The following SCARA5 variants were observed in gnomAD, a reference collection of about 807,000 sequenced individuals.
SCARA5 encodes the protein scavenger receptor class A, member 5 (putative).
Under a neutral mutation model 46.3 loss-of-function variants are expected in SCARA5, and 45 were observed. The observed-to-expected ratio is 0.97, with a 90% confidence interval of 0.76 to 1.24. The LOEUF (loss-of-function observed/expected upper bound fraction) is 1.24, where lower values mean the gene tolerates loss of function less well. Ranked by LOEUF, SCARA5 falls within the 50% of genes most tolerant of loss-of-function variation. The pLI is 0.00. For missense variants in SCARA5, 680 were observed against 689.0 expected (o/e 0.99, Z 0.15); for synonymous variants, 333 against 306.5 (o/e 1.09, Z -0.90).
At chr8:27,888,903 T>C (rs545462351) in intron 7 of SCARA5, among the ~76,000 whole-genome samples, 103 of 152,328 alleles carry the variant, frequency 6.8e-4, no homozygotes, top group African/African-American at 2.4e-3. Context: ...GGTAGCCTCC[T>C]TGCTGTCTCC....
chr8:27,931,844 G>A (rs1015559846), intron 3 of SCARA5, among the ~76,000 whole-genome samples: 9 of 152,092 alleles, frequency 5.9e-5, no homozygotes, highest in Admixed American at 1.3e-4. Flanking sequence ...CAGTAGAGAC[G>A]CGTTCCACCA....
intron 3 of SCARA5, among the ~76,000 whole-genome samples, chr8:27,935,135 A>T (rs1404732128): frequency 6.6e-6 from 1 of 152,222 alleles, no homozygotes; most frequent in Non-Finnish European, 1.5e-5. Flanking sequence ...AAGGCTGCTG[A>T]TATCCAAGTT....
At chr8:27,984,692 C>T (rs1319009094) in intron 2 of SCARA5, among the ~76,000 whole-genome samples, 2 of 152,066 alleles carry the variant, frequency 1.3e-5, no homozygotes, top group African/African-American at 4.8e-5. Context: ...ATGCATCCAT[C>T]CATCCATTCA....
At chr8:27,943,662 G>A (rs942204158) in intron 3 of SCARA5, among the ~76,000 whole-genome samples, 6 of 152,184 alleles carry the variant, frequency 3.9e-5, no homozygotes, top group African/African-American at 9.7e-5. Context: ...AAAGACGCAC[G>A]TAATCAGAGC....
intron 7 of SCARA5, among the ~76,000 whole-genome samples, chr8:27,896,581 G>A (rs1181650032): frequency 6.6e-6 from 1 of 152,104 alleles, no homozygotes; most frequent in Admixed American, 6.5e-5. Context: ...AGTGACCGGG[G>A]TGGTTGCCTC....
At chr8:27,958,369 C>G (rs1585513465) in intron 3 of SCARA5, among the ~76,000 whole-genome samples, 11 of 152,174 alleles carry the variant, frequency 7.2e-5, no homozygotes, top group Admixed American at 7.2e-4. Context: ...GCTAGGGCAG[C>G]CCGACAGAGC....
chr8:27,883,472 G>A (rs1220763723), intron 7 of SCARA5, among the ~76,000 whole-genome samples: 2 of 152,170 alleles, frequency 1.3e-5, no homozygotes, highest in Admixed American at 1.3e-4. Flanking sequence ...ATACTGGAGT[G>A]GTCAGTGGGT....
intron 2 of SCARA5, among the ~76,000 whole-genome samples, chr8:27,981,079 G>A (rs1445849095): frequency 1.3e-5 from 2 of 152,084 alleles, no homozygotes; most frequent in Admixed American, 6.5e-5. Flanking sequence ...AATGTGGATC[G>A]AGGGGCTACT....
Position 27,907,217 on chromosome 8 carries a change from A to T in SCARA5, c.1027T>A (p.Leu343Met). Residue 343 changes from leucine (L) to methionine (M), a missense_variant, in exon 6 of 9, where the codon TTG becomes ATG. By Grantham distance (15) the Leu-to-Met change is conservative (BLOSUM62 2). This residue lies in a region of SCARA5 where 219 missense variants were observed against 269.5 expected (regional missense o/e 0.81). Coordinates refer to ENST00000354914, the MANE Select transcript of SCARA5 (RefSeq NM_173833.6). The part of the protein sequence containing the change: ...GLPGERGTPG[L>M]PGPKGDDGKL... ...CCATCATCGCCCTTGGGCCCGGGCA[A>T]TCCTGGGGTACCTCTCTCCCCGGGC... is the stretch of plus-strand genomic sequence containing the variant. 1 of 1,613,602 alleles carries T rather than the reference A, an allele frequency of 6.2e-7. No individual in the cohort carries two copies. The highest frequency in any genetic ancestry group is 8.5e-7 in the Non-Finnish European group (1 of 1,179,778).
intron 4 of SCARA5, among the ~76,000 whole-genome samples, chr8:27,912,400 ATTC>A (rs1233576934): frequency 6.6e-6 from 1 of 152,242 alleles, no homozygotes. Context: ...GTAGTCAACA[ATTC>A]TTCAATTCAC....
chr8:27,983,561 C>T (rs1808656081), intron 2 of SCARA5, among the ~76,000 whole-genome samples: 1 of 152,234 alleles, frequency 6.6e-6, no homozygotes, highest in Non-Finnish European at 1.5e-5. Context: ...AGCTCCACCA[C>T]TGATGACTTG....
chr8:27,950,543 A>G (rs1323578519), intron 3 of SCARA5, among the ~76,000 whole-genome samples: 2 of 152,202 alleles, frequency 1.3e-5, no homozygotes, highest in African/African-American at 4.8e-5. Context: ...CCTGGAAGAA[A>G]GCTGAGGCTT....
intron 7 of SCARA5, among the ~76,000 whole-genome samples, chr8:27,894,817 G>C (rs1807036463): frequency 6.6e-6 from 1 of 152,220 alleles, no homozygotes; most frequent in African/African-American, 2.4e-5. Context: ...GCATCCTTGT[G>C]GTTCCAAATC....
intron 4 of SCARA5, among the ~76,000 whole-genome samples, chr8:27,914,948 C>T (rs2685337): frequency 0.52 from 78,899 of 151,964 alleles, 20,989 homozygotes; most frequent in Non-Finnish European, 0.58. Flanking sequence ...GAACACATGA[C>T]GGGGTAGGGG....
intron 7 of SCARA5, among the ~76,000 whole-genome samples, chr8:27,883,573 T>A (rs1806844762): frequency 6.6e-6 from 1 of 152,224 alleles, no homozygotes; most frequent in African/African-American, 2.4e-5. Flanking sequence ...GATCTCTATT[T>A]TTCCAAGTGT....
Position 27,921,989 on chromosome 8 carries a change from C to A in SCARA5, c.498G>T (p.Ala166=). The stretch of plus-strand genomic sequence containing the variant: ...CCGTGCGGTCCCGCAGCAGGGCCAC[C>A]GCCTGCTCGGTCTGCACCGCCTGCG... ...LQAQAVQTEQ[A]VALLRDRTGQ... is the part of the protein sequence containing the mutation. Residue 166 remains alanine (A), a synonymous_variant, in exon 4 of 9, where the codon GCG becomes GCT. Coordinates refer to ENST00000354914, the MANE Select transcript of SCARA5 (RefSeq NM_173833.6). 1 of 1,552,922 alleles carries A rather than the reference C, an allele frequency of 6.4e-7. No individual in the cohort carries two copies. The highest frequency in any genetic ancestry group is 8.6e-7 in the Non-Finnish European group (1 of 1,158,122).
chr8:27,878,471 C>T (rs944321959), intron 8 of SCARA5, among the ~76,000 whole-genome samples: 9 of 152,222 alleles, frequency 5.9e-5, no homozygotes, highest in Non-Finnish European at 1.3e-4. Flanking sequence ...GGGTTTGAAT[C>T]AGCCATCTAC....
chr8:27,984,954 T>G (rs1381460538), intron 2 of SCARA5, among the ~76,000 whole-genome samples: 2 of 152,096 alleles, frequency 1.3e-5, no homozygotes, highest in Non-Finnish European at 2.9e-5. Context: ...CATTCATCCA[T>G]CTATCCATTC....
chr8:27,919,714 G>A (rs1465661467), intron 4 of SCARA5, among the ~76,000 whole-genome samples: 3 of 151,816 alleles, frequency 2.0e-5, no homozygotes, highest in Non-Finnish European at 2.9e-5. Flanking sequence ...GGATCAGAAA[G>A]GCCAGCATGT....
Sources: gnomAD v4.1 joint callset for allele counts (sites outside exome capture counted in the v4.1 genomes callset) on GRCh38, gnomAD v4.1.1 for gene constraint, gnomAD v4.1.1 regional missense constraint, MANE v1.5 for transcripts, NCBI Gene and HGNC (gene_info 2026-07-23, HGNC 2026-07-21) for gene names.